Variants in ADGRB3 observed in about 807,000 individuals in gnomAD.
The protein encoded by ADGRB3 is adhesion G protein-coupled receptor B3, also known as brain-specific angiogenesis inhibitor 3.
A neutral mutation model predicts 193.4 loss-of-function variants in ADGRB3; 37 were observed. The ratio of observed to expected loss-of-function variants is 0.19; its 90% CI spans 0.15 to 0.25. The LOEUF (loss-of-function observed/expected upper bound fraction) is 0.25. Ranked by LOEUF, ADGRB3 falls within the 10% of genes least tolerant of loss-of-function variation. ADGRB3 has a pLI of 1.00. For missense variants in ADGRB3, 1,637 were observed against 1,852.9 expected (o/e 0.88, Z 2.14); for synonymous variants, 690 against 644.2 (o/e 1.07, Z -1.08).
intron 17 of ADGRB3, among the ~76,000 whole-genome samples, chr6:69,141,423 G>A (rs1774340056): frequency 1.3e-5 from 2 of 152,198 alleles, no homozygotes; most frequent in East Asian, 1.9e-4. Context: ...GCGCCCGGCC[G>A]GGGCAGGGAT....
At chr6:68,810,341 G>A (rs1767486163) in intron 3 of ADGRB3, among the ~76,000 whole-genome samples, 1 of 152,140 alleles carries the variant, frequency 6.6e-6, no homozygotes, top group Admixed American at 6.5e-5. Context: ...ACCCAAATGA[G>A]AACCATTGCC....
chr6:68,941,041 G>C (rs1484201581), intron 5 of ADGRB3, among the ~76,000 whole-genome samples: 1 of 151,994 alleles, frequency 6.6e-6, no homozygotes, highest in Non-Finnish European at 1.5e-5. Context: ...ATCACAAAAA[G>C]ACATATAATA....
intron 3 of ADGRB3, among the ~76,000 whole-genome samples, chr6:68,915,208 T>C (rs1766841989): frequency 6.6e-6 from 1 of 152,196 alleles, no homozygotes; most frequent in South Asian, 2.1e-4. Flanking sequence ...ACATATTAGC[T>C]ACGTAATGAT....
chr6:69,232,269 A>AT (rs5877202), intron 17 of ADGRB3: 11,845 of 412,518 alleles, frequency 0.029, 24 homozygotes, highest in East Asian at 0.047. Flanking sequence ...GCTCTATAGC[A>AT]TTTTTTTTTT....
intron 12 of ADGRB3, among the ~76,000 whole-genome samples, chr6:69,015,855 A>C (rs920017133): frequency 1.3e-4 from 20 of 152,000 alleles, no homozygotes; most frequent in Admixed American, 5.3e-4. Flanking sequence ...AAAAAAAAAA[A>C]CTACATTCTA....
chr6:69,124,166 T>C (rs180927783), intron 17 of ADGRB3, among the ~76,000 whole-genome samples: 1 of 152,216 alleles, frequency 6.6e-6, no homozygotes, highest in Admixed American at 6.5e-5. Flanking sequence ...TTTACAAAGA[T>C]TTGTTGTCCA....
intron 3 of ADGRB3, among the ~76,000 whole-genome samples, chr6:68,868,910 G>GTGTGTGTGTGTGT (rs372367034): frequency 8.5e-5 from 9 of 106,472 alleles, no homozygotes; most frequent in Non-Finnish European, 1.5e-4. Context: ...TCCAGATAAT[G>GTGTGTGTGTGTGT]ATGTGTGTGT....
chr6:68,944,034 C>G, intron 6 of ADGRB3, 40 bp downstream of exon 6: 1 of 1,558,784 alleles, frequency 6.4e-7, no homozygotes, highest in South Asian at 1.2e-5. Context: ...GCATTATGTG[C>G]TTTTTATATG....
intron 17 of ADGRB3, among the ~76,000 whole-genome samples, chr6:69,101,431 A>G (rs1290561642): frequency 3.3e-5 from 2 of 61,256 alleles, no homozygotes; most frequent in South Asian, 8.2e-4. Flanking sequence ...TACAGTAAGT[A>G]TCGTGTGTGT....
At position 68,956,819 on chromosome 6, in the gene ADGRB3, AACCC is replaced by A. The variant is rs1768089807; in HGVS notation, c.1525+12_1525+15del. ...GAGCAGCGATGCCCTGGTGAGAATG[AACCC>A]AAATTATCCCAAAAGAAACATTTCA... On this transcript the variant is annotated intron_variant, in intron 8 of 31. Transcript: ENST00000370598. The A allele has an allele frequency of 6.2e-7, 1 of 1,604,412 alleles. No homozygotes were observed. The highest frequency in any genetic ancestry group is 1.1e-5 in the South Asian group (1 of 90,164).
At chr6:68,697,635 C>G (rs950262257) in intron 3 of ADGRB3, among the ~76,000 whole-genome samples, 5 of 151,900 alleles carry the variant, frequency 3.3e-5, no homozygotes, top group Non-Finnish European at 5.9e-5. Context: ...ACTTCCTTGT[C>G]TTCTCTTTTA....
At chr6:69,288,350 AT>A (rs1426023349) in intron 20 of ADGRB3, among the ~76,000 whole-genome samples, 1 of 152,136 alleles carries the variant, frequency 6.6e-6, no homozygotes, top group Non-Finnish European at 1.5e-5. Flanking sequence ...TTCCAGCTTT[AT>A]CCATGTCCCT....
At chr6:69,237,280 T>C (rs1208934756) in intron 19 of ADGRB3, among the ~76,000 whole-genome samples, 1 of 152,006 alleles carries the variant, frequency 6.6e-6, no homozygotes, top group East Asian at 1.9e-4. Flanking sequence ...TTTTGATTTC[T>C]AAGGAGTTGT....
chr6:69,069,731 T>TAAAA (rs754345752), intron 16 of ADGRB3, among the ~76,000 whole-genome samples: 9 of 108,132 alleles, frequency 8.3e-5, no homozygotes, highest in African/African-American at 2.4e-4. Context: ...ACTCTCTCAT[T>TAAAA]AAAAAAAAAA....
At chr6:69,029,150 AT>A in intron 13 of ADGRB3, among the ~76,000 whole-genome samples, 1 of 152,092 alleles carries the variant, frequency 6.6e-6, no homozygotes, top group East Asian at 1.9e-4. Flanking sequence ...CTTCAGTGTA[AT>A]TTTTTTATTA....
rs79600556 is a variant in ADGRB3 at position 68,783,877 on chromosome 6, A to C, written c.757+144445A>C. Among the ~76,000 whole-genome samples the C allele has an allele frequency of 1.9e-3, 282 of 152,114 alleles. 3 individuals are homozygous for C. The highest frequency in any genetic ancestry group is 6.5e-3 in the African/African-American group (272 of 41,530). On this transcript the variant is annotated intron_variant, in intron 3 of 31. Coordinates refer to ENST00000370598, the MANE Select transcript of ADGRB3 (RefSeq NM_001704.3). ...GAATGCCAGAAGGATGCCCTGAAAA[A>C]ATGGATGGGAGTTTAAATGTTACCT...
At chr6:69,128,929 C>T (rs1224369652) in intron 17 of ADGRB3, among the ~76,000 whole-genome samples, 2 of 152,110 alleles carry the variant, frequency 1.3e-5, no homozygotes. Flanking sequence ...ACAATTGGGT[C>T]TCATCTAAGT....
At chr6:68,697,126 G>C (rs1765171396) in intron 3 of ADGRB3, among the ~76,000 whole-genome samples, 1 of 151,936 alleles carries the variant, frequency 6.6e-6, no homozygotes, top group South Asian at 2.1e-4. Flanking sequence ...TAAAAAGAAA[G>C]CTTCCCATAT....
At chr6:68,966,246 C>T (rs778013499) in intron 8 of ADGRB3, among the ~76,000 whole-genome samples, 8 of 151,974 alleles carry the variant, frequency 5.3e-5, no homozygotes, top group African/African-American at 1.2e-4. Context: ...ATTCTTCATC[C>T]CTTCCCTAAT....
Sources: gnomAD v4.1 joint callset for allele counts (sites outside exome capture counted in the v4.1 genomes callset) on GRCh38, gnomAD v4.1.1 for gene constraint, MANE v1.5 for transcripts, NCBI Gene and HGNC (gene_info 2026-07-23, HGNC 2026-07-21) for gene names.